DLG2: variants seen among roughly 807,000 people sequenced by gnomAD.
DLG2 encodes discs large MAGUK scaffold protein 2, also known as disks large homolog 2.
A neutral mutation model predicts 132.5 loss-of-function variants in DLG2; 45 were observed. The observed-to-expected ratio is 0.34, with a 90% confidence interval of 0.27 to 0.44. The LOEUF (loss-of-function observed/expected upper bound fraction) is 0.44. DLG2 is among the 20% of genes least tolerant of loss of function. The pLI, the probability that DLG2 is intolerant of heterozygous loss-of-function variation, is 1.00. For synonymous variants in DLG2, 424 were observed against 419.6 expected (o/e 1.01, Z -0.13); for missense variants, 1,045 against 1,196.9 (o/e 0.87, Z 1.87).
chr11:84,029,461 T>A (rs1244408473), intron 11 of DLG2, among the ~76,000 whole-genome samples: 1 of 151,906 alleles, frequency 6.6e-6, no homozygotes, highest in African/African-American at 2.4e-5. Context: ...AAATTTAAGG[T>A]CATATGCTAA....
At chr11:84,894,452 C>T (rs537969178) in intron 6 of DLG2, among the ~76,000 whole-genome samples, 47 of 152,166 alleles carry the variant, frequency 3.1e-4, no homozygotes, top group Middle Eastern at 6.8e-3. Context: ...CAAATTATGG[C>T]GTGTAATTTA....
chr11:84,194,883 G>T (rs547786467), intron 8 of DLG2, among the ~76,000 whole-genome samples: 1 of 152,258 alleles, frequency 6.6e-6, no homozygotes, highest in East Asian at 1.9e-4. Flanking sequence ...CTGGCCAGCT[G>T]CTCCAAGCGC....
chr11:83,786,933 G>A (rs531866377), intron 17 of DLG2, 141 bp from the exon 18 acceptor site: 1,290 of 628,204 alleles, frequency 2.1e-3, no homozygotes, highest in Non-Finnish European at 3.1e-3. Context: ...AGGTGTTTGT[G>A]GACTTTCATG....
intron 7 of DLG2, among the ~76,000 whole-genome samples, chr11:84,460,995 C>T (rs2099078784): frequency 6.6e-6 from 1 of 150,670 alleles, no homozygotes; most frequent in African/African-American, 2.4e-5. Flanking sequence ...TCAGTTCGAC[C>T]TAAGGGCAGG....
chr11:84,638,641 T>C (rs919949986), intron 6 of DLG2, among the ~76,000 whole-genome samples: 8 of 152,224 alleles, frequency 5.3e-5, no homozygotes, highest in African/African-American at 7.2e-5. Context: ...ATACTTTTTG[T>C]TTCATTATAA....
chr11:84,860,423 G>C (rs1566178645), intron 6 of DLG2, among the ~76,000 whole-genome samples: 1 of 152,044 alleles, frequency 6.6e-6, no homozygotes, highest in African/African-American at 2.4e-5. Flanking sequence ...AATGAAGCTA[G>C]GGCTTCATTT....
At position 83,779,709 on chromosome 11, in the gene DLG2, A is replaced by C. The variant is rs1199718171; in HGVS notation, c.1825+6981T>G. Among the ~76,000 whole-genome samples, 5 of 152,326 alleles carry C rather than the reference A, an allele frequency of 3.3e-5. No individual in the cohort carries two copies. The East Asian group carries it at 9.6e-4, about 29-fold the overall frequency. The stretch of plus-strand genomic sequence containing the variant: ...TGAACTTTAGTTCCTCCATATGTGA[A>C]ATGAGTAAACTTGACAAGATTATCT... On this transcript the variant is annotated intron_variant, in intron 18 of 27. Coordinates refer to ENST00000376104, the MANE Select transcript of DLG2 (RefSeq NM_001142699.3).
intron 7 of DLG2, among the ~76,000 whole-genome samples, chr11:84,462,277 G>A (rs1437019402): frequency 6.6e-6 from 1 of 151,066 alleles, no homozygotes; most frequent in East Asian, 1.9e-4. Context: ...CTTCCTGGAA[G>A]TTCATGCAAG....
intron 18 of DLG2, among the ~76,000 whole-genome samples, chr11:83,717,527 A>G (rs969446563): frequency 3.3e-5 from 5 of 152,180 alleles, no homozygotes; most frequent in South Asian, 2.1e-4. Context: ...TAGAGAGGGG[A>G]TAACAAAAAT....
chr11:85,594,407 G>A (rs189490374), intron 3 of DLG2, among the ~76,000 whole-genome samples: 64 of 152,202 alleles, frequency 4.2e-4, no homozygotes, highest in African/African-American at 1.5e-3. Context: ...TTTTGCCACT[G>A]GTAGAGTTTT....
At chr11:84,256,562 A>C (rs1467327443) in intron 7 of DLG2, among the ~76,000 whole-genome samples, 1 of 152,200 alleles carries the variant, frequency 6.6e-6, no homozygotes, top group Non-Finnish European at 1.5e-5. Flanking sequence ...ATGCAAATGG[A>C]AGGCAGGTGA....
At chr11:84,084,267 G>A (rs755375494) in intron 10 of DLG2, among the ~76,000 whole-genome samples, 13 of 152,208 alleles carry the variant, frequency 8.5e-5, no homozygotes, top group East Asian at 1.9e-4. Context: ...GACTGCTGTC[G>A]CTGTGCTGGA....
At chr11:84,367,728 A>G (rs1413061365) in intron 7 of DLG2, among the ~76,000 whole-genome samples, 1 of 152,112 alleles carries the variant, frequency 6.6e-6, no homozygotes, top group Non-Finnish European at 1.5e-5. Flanking sequence ...CTATGCTATG[A>G]CACAGCAAGT....
chr11:84,318,944 A>G (rs527551459), intron 7 of DLG2, among the ~76,000 whole-genome samples: 11 of 152,314 alleles, frequency 7.2e-5, no homozygotes, highest in Middle Eastern at 3.4e-3. Flanking sequence ...AGAGAAATGA[A>G]GGAGTTGATA....
intron 8 of DLG2, among the ~76,000 whole-genome samples, chr11:84,236,058 A>AC (rs1353691790): frequency 1.3e-5 from 2 of 151,792 alleles, no homozygotes; most frequent in African/African-American, 4.8e-5. Flanking sequence ...TTAAAAAAAA[A>AC]AAAAAACAAC....
At chr11:85,490,021 T>G (rs964446081) in intron 3 of DLG2, among the ~76,000 whole-genome samples, 1 of 152,016 alleles carries the variant, frequency 6.6e-6, no homozygotes, top group Non-Finnish European at 1.5e-5. Context: ...GATCCTTGTC[T>G]CTACAAAAAC....
At chr11:85,547,703 A>G (rs1020461282) in intron 3 of DLG2, among the ~76,000 whole-genome samples, 1 of 151,710 alleles carries the variant, frequency 6.6e-6, no homozygotes, top group East Asian at 1.9e-4. Flanking sequence ...TTTTTTCTCT[A>G]ATCTTGTCTT....
chr11:84,929,299 A>G (rs893172835), intron 6 of DLG2, among the ~76,000 whole-genome samples: 3 of 151,856 alleles, frequency 2.0e-5, no homozygotes, highest in Non-Finnish European at 4.4e-5. Flanking sequence ...TCTTTCACAC[A>G]AAACAATTCT....
chr11:85,459,298 T>A (rs1425076665), intron 3 of DLG2, among the ~76,000 whole-genome samples: 1 of 152,190 alleles, frequency 6.6e-6, no homozygotes, highest in Admixed American at 6.5e-5. Context: ...AGACAGTTGT[T>A]CTACTGGCTC....
Sources: allele counts gnomAD v4.1 joint callset (sites outside exome capture counted in the v4.1 genomes callset), GRCh38; gene constraint gnomAD v4.1.1; transcripts MANE v1.5; gene names NCBI Gene and HGNC (gene_info 2026-07-23, HGNC 2026-07-21).